The following ANK1 variants were observed in gnomAD, a reference collection of about 807,000 sequenced individuals.
The protein encoded by ANK1 is ankyrin 1, also known as ankyrin-1.
ANK1 carries 51 observed loss-of-function variants against 210.4 expected under a neutral mutation model. The ratio of observed to expected loss-of-function variants is 0.24; its 90% confidence interval spans 0.19 to 0.31. The LOEUF is 0.31. ANK1 is among the 10% of genes least tolerant of loss of function. The pLI is 1.00. For synonymous variants in ANK1, 967 were observed against 1,025.9 expected, an observed-to-expected ratio of 0.94 and a Z score of 1.10; for missense variants, 2,051 against 2,504.4, an observed-to-expected ratio of 0.82 and a Z score of 3.86.
At chr8:41,708,437 C>T (rs1478626549) in intron 17 of ANK1, among the ~76,000 whole-genome samples, 3 of 152,144 alleles carry the variant, frequency 2.0e-5, no homozygotes. Context: ...TCCCAAATGA[C>T]AGAATGCACT....
chr8:41,663,114 C>CTCTCTGTGTGTGTG (rs1554517870), intron 40 of ANK1, among the ~76,000 whole-genome samples: 1 of 145,118 alleles, frequency 6.9e-6, no homozygotes, highest in African/African-American at 2.6e-5. Context: ...CTCTCTCTCT[C>CTCTCTGTGTGTGTG]TGTGTGTGTG....
At chr8:41,697,230 T>C (rs475842) in intron 24 of ANK1, among the ~76,000 whole-genome samples, 134,699 of 152,228 alleles carry the variant, frequency 0.88, 61,163 homozygotes, top group South Asian at 0.99. Context: ...TTGGAGCCCA[T>C]GAGGTGAACA....
At chr8:41,665,133 A>C in intron 39 of ANK1, 1 of 1,544,188 alleles carries the variant, frequency 6.5e-7, no homozygotes, top group East Asian at 2.4e-5. Flanking sequence ...GACCCCTTGC[A>C]TTCCCCCTCC....
chr8:41,682,013 C>T (rs1286731776), intron 37 of ANK1, among the ~76,000 whole-genome samples: 2 of 152,254 alleles, frequency 1.3e-5, no homozygotes, highest in African/African-American at 2.4e-5. Context: ...ATCAACTACT[C>T]GGGAGAGGGC....
At chr8:41,698,172 C>A in intron 23 of ANK1, 51 bp from the exon 24 acceptor site, 1 of 1,581,000 alleles carries the variant, frequency 6.3e-7, no homozygotes, top group Non-Finnish European at 8.7e-7. Flanking sequence ...CATGTGCACA[C>A]AGCTCCTCTT....
At chr8:41,875,198 G>A (rs937011640) in intron 1 of ANK1, among the ~76,000 whole-genome samples, 4 of 152,144 alleles carry the variant, frequency 2.6e-5, no homozygotes, top group African/African-American at 4.8e-5. Context: ...ACCCAGATGC[G>A]GGGGCTCCTG....
At chr8:41,874,942 C>T (rs1816275195) in intron 1 of ANK1, among the ~76,000 whole-genome samples, 1 of 152,246 alleles carries the variant, frequency 6.6e-6, no homozygotes, top group Non-Finnish European at 1.5e-5. Flanking sequence ...CACGGTCTGA[C>T]TATGGAACAA....
chr8:41,659,162 T>C (rs1806902773), intron 42 of ANK1, among the ~76,000 whole-genome samples: 1 of 152,250 alleles, frequency 6.6e-6, no homozygotes, highest in Non-Finnish European at 1.5e-5. Context: ...GAGCAGAGCT[T>C]ATCTGATGTC....
chr8:41,829,160 G>A (rs1480042725), intron 1 of ANK1: 1 of 152,242 alleles, frequency 6.6e-6, no homozygotes, highest in African/African-American at 2.4e-5. Flanking sequence ...AGCGGCGTTT[G>A]GGACAGCACT....
intron 1 of ANK1, among the ~76,000 whole-genome samples, chr8:41,763,195 CAGAG>C: frequency 7.7e-6 from 1 of 130,588 alleles, no homozygotes; most frequent in Admixed American, 8.7e-5. Context: ...GCCTGGGCGA[CAGAG>C]AGAGACTCTG....
chr8:41,733,614 A>C (rs992678752), intron 3 of ANK1, among the ~76,000 whole-genome samples: 7 of 152,228 alleles, frequency 4.6e-5, no homozygotes, highest in African/African-American at 1.4e-4. Flanking sequence ...AACTCGTCCC[A>C]GGTCACAGAG....
chr8:41,673,300 T>C (rs1006900630), intron 37 of ANK1, among the ~76,000 whole-genome samples: 2 of 152,200 alleles, frequency 1.3e-5, no homozygotes, highest in Non-Finnish European at 1.5e-5. Flanking sequence ...CACTTCTCCA[T>C]GGCTGGGCAG....
At chr8:41,671,555 A>C (rs903543720) in intron 38 of ANK1, among the ~76,000 whole-genome samples, 10 of 139,632 alleles carry the variant, frequency 7.2e-5, no homozygotes, top group Non-Finnish European at 1.4e-4. Context: ...CTAAGTGAGC[A>C]CTCCAGGTAC....
At chr8:41,892,247 C>A (rs373196594) in intron 1 of ANK1, among the ~76,000 whole-genome samples, 12 of 152,154 alleles carry the variant, frequency 7.9e-5, no homozygotes, top group African/African-American at 2.9e-4. Context: ...CCCCCCCACC[C>A]CAAATCTCCC....
chr8:41,814,946 T>G (rs922154192), intron 1 of ANK1, among the ~76,000 whole-genome samples: 6 of 152,174 alleles, frequency 3.9e-5, no homozygotes, highest in Non-Finnish European at 7.4e-5. Context: ...AGGTATGTTT[T>G]ATAAGAAGAC....
intron 37 of ANK1, among the ~76,000 whole-genome samples, chr8:41,677,596 T>A (rs1488050254): frequency 2.0e-5 from 3 of 150,090 alleles, no homozygotes; most frequent in Admixed American, 2.0e-4. Flanking sequence ...TTTTCTTTGT[T>A]TTTTTTTTTT....
chr8:41,684,111 C>T (rs1371075758), intron 37 of ANK1, among the ~76,000 whole-genome samples: 3 of 152,238 alleles, frequency 2.0e-5, no homozygotes, highest in Admixed American at 6.5e-5. Context: ...ATGCCCTCTG[C>T]TTCCCAACCA....
intron 1 of ANK1, chr8:41,789,165 A>T (rs11995974): frequency 6.6e-6 from 1 of 152,166 alleles, no homozygotes; most frequent in African/African-American, 2.4e-5. Flanking sequence ...TGAGAACAAG[A>T]GACTGTGTGA....
intron 2 of ANK1, among the ~76,000 whole-genome samples, chr8:41,742,347 T>C (rs1269627863): frequency 1.3e-5 from 2 of 152,252 alleles, no homozygotes; most frequent in Non-Finnish European, 2.9e-5. Flanking sequence ...TTGGTGTCTC[T>C]GCAAAACTGC....
Sources: allele counts gnomAD v4.1 joint callset (sites outside exome capture counted in the v4.1 genomes callset), GRCh38; gene constraint gnomAD v4.1.1; transcripts MANE v1.5; gene names NCBI Gene and HGNC (gene_info 2026-07-23, HGNC 2026-07-21).